NFIB: variants seen among roughly 807,000 people sequenced by gnomAD.
NFIB encodes nuclear factor 1 B-type.
In NFIB, 11 loss-of-function variants were observed where a neutral mutation model predicts 61.5. That is an observed-to-expected ratio of 0.18 (90% CI 0.11 to 0.30). NFIB has a LOEUF of 0.30. Among genes scored for constraint, NFIB ranks in the 10% least tolerant of loss-of-function variants. The pLI, the probability that NFIB is intolerant of heterozygous loss-of-function variation, is 1.00. For synonymous variants in NFIB, 260 were observed against 216.5 expected (o/e 1.20, Z -1.76); for missense variants, 471 against 608.9 (o/e 0.77, Z 2.38).
chr9:14,326,287 C>G (rs182385120), intron 1 of NFIB, among the ~76,000 whole-genome samples: 1 of 152,190 alleles, frequency 6.6e-6, no homozygotes, highest in Non-Finnish European at 1.5e-5. Flanking sequence ...ACCATTCCTA[C>G]AAGACATAGT....
At chr9:14,092,717 G>A (rs1266506390) in intron 10 of NFIB, among the ~76,000 whole-genome samples, 1 of 152,038 alleles carries the variant, frequency 6.6e-6, no homozygotes, top group Non-Finnish European at 1.5e-5. Context: ...GTGGTCAAAT[G>A]ATCTGAAATT....
chr9:14,393,495 G>A (rs551990775), intron 1 of NFIB, among the ~76,000 whole-genome samples: 1 of 152,282 alleles, frequency 6.6e-6, no homozygotes, highest in East Asian at 1.9e-4. Flanking sequence ...GGCATTCTGT[G>A]TAATCTCTCC....
the NFIB span, among the ~76,000 whole-genome samples, chr9:14,413,296 T>C: frequency 3.3e-5 from 5 of 152,162 alleles, no homozygotes. Flanking sequence ...AAATAACTTC[T>C]ACTTACTTTT....
At chr9:14,515,535 C>T in the NFIB span, among the ~76,000 whole-genome samples, 1 of 152,232 alleles carries the variant, frequency 6.6e-6, no homozygotes, top group Middle Eastern at 3.4e-3. Context: ...GAACCCTTTG[C>T]ATCAGAGTCA....
At chr9:14,211,743 C>T (rs766248729) in intron 2 of NFIB, among the ~76,000 whole-genome samples, 2 of 152,218 alleles carry the variant, frequency 1.3e-5, no homozygotes, top group Admixed American at 6.5e-5. Flanking sequence ...GGCCCCTCCA[C>T]GTCAGCCCTC....
chr9:14,264,749 T>C (rs1057159966), intron 2 of NFIB, among the ~76,000 whole-genome samples: 4 of 152,074 alleles, frequency 2.6e-5, no homozygotes, highest in African/African-American at 7.2e-5. Flanking sequence ...CTGGAAAATA[T>C]CATTTTTAAG....
intron 2 of NFIB, among the ~76,000 whole-genome samples, chr9:14,249,665 G>C (rs752227479): frequency 6.6e-6 from 1 of 151,970 alleles, no homozygotes; most frequent in East Asian, 1.9e-4. Context: ...AAATAGAAAG[G>C]AAGGAAGAGA....
the NFIB span, among the ~76,000 whole-genome samples, chr9:14,457,857 G>A: frequency 2.6e-5 from 4 of 151,988 alleles, no homozygotes; most frequent in Non-Finnish European, 4.4e-5. Context: ...ACAGGCTCTG[G>A]CATTGAGGCA....
intron 6 of NFIB, among the ~76,000 whole-genome samples, chr9:14,140,211 A>T (rs1013109970): frequency 3.9e-5 from 6 of 152,204 alleles, no homozygotes. Flanking sequence ...TATGGTTACT[A>T]AGCTGTCTGC....
chr9:14,188,793 A>G (rs1393175317), intron 2 of NFIB, among the ~76,000 whole-genome samples: 1 of 152,208 alleles, frequency 6.6e-6, no homozygotes, highest in African/African-American at 2.4e-5. Flanking sequence ...GATTTCAGCT[A>G]TACTATGTAA....
chr9:14,531,720 C>T, the NFIB span, among the ~76,000 whole-genome samples: 2 of 151,192 alleles, frequency 1.3e-5, no homozygotes, highest in African/African-American at 4.9e-5. Flanking sequence ...AAAACTCATG[C>T]TGCCTTTTTA....
At chr9:14,402,230 T>C (rs2061749744), upstream of NFIB, among the ~76,000 whole-genome samples, 1 of 152,184 alleles carries the variant, frequency 6.6e-6, no homozygotes, top group Non-Finnish European at 1.5e-5. Flanking sequence ...CTGAATTACA[T>C]TGCCACCTCA....
At chr9:14,141,966 A>G (rs889768930) in intron 6 of NFIB, among the ~76,000 whole-genome samples, 8 of 151,306 alleles carry the variant, frequency 5.3e-5, no homozygotes, top group Non-Finnish European at 1.0e-4. Flanking sequence ...TATATTTAAC[A>G]TATCATATTT....
intron 1 of NFIB, among the ~76,000 whole-genome samples, chr9:14,330,351 A>G (rs1164414042): frequency 6.6e-6 from 1 of 152,236 alleles, no homozygotes; most frequent in Non-Finnish European, 1.5e-5. Flanking sequence ...CCTAAAAAAT[A>G]TAAAGATTCC....
intron 1 of NFIB, among the ~76,000 whole-genome samples, chr9:14,360,478 AC>A (rs1272303503): frequency 6.6e-6 from 1 of 152,198 alleles, no homozygotes; most frequent in African/African-American, 2.4e-5. Context: ...ACAAATTATA[AC>A]AAAAAGTATT....
chr9:14,102,549 A>AG, intron 10 of NFIB: 5 of 1,511,086 alleles, frequency 3.3e-6, no homozygotes, highest in Non-Finnish European at 4.5e-6. Flanking sequence ...TGGATCGAGC[A>AG]GTACTACAGT....
the NFIB span, among the ~76,000 whole-genome samples, chr9:14,496,681 T>A: frequency 2.6e-5 from 4 of 152,178 alleles, no homozygotes; most frequent in Non-Finnish European, 2.9e-5. Flanking sequence ...ACCCACACAG[T>A]TCCTATGGCA....
At chr9:14,099,537 A>G (rs2035399840) in intron 10 of NFIB, among the ~76,000 whole-genome samples, 1 of 152,244 alleles carries the variant, frequency 6.6e-6, no homozygotes, top group South Asian at 2.1e-4. Context: ...TGTATTATCA[A>G]ATATGAACTC....
the NFIB span, among the ~76,000 whole-genome samples, chr9:14,418,521 G>C: frequency 6.6e-6 from 1 of 152,280 alleles, no homozygotes; most frequent in South Asian, 2.1e-4. Flanking sequence ...GTAGGGGTAT[G>C]CTTGGAGAAG....
Sources: allele counts gnomAD v4.1 joint callset (sites outside exome capture counted in the v4.1 genomes callset), GRCh38; gene constraint gnomAD v4.1.1; transcripts MANE v1.5; gene names NCBI Gene and HGNC (gene_info 2026-07-23, HGNC 2026-07-21).